TSHR: variants seen among roughly 807,000 people sequenced by gnomAD.
TSHR encodes the protein thyrotropin receptor.
Under a neutral mutation model 64.1 loss-of-function variants are expected in TSHR, and 51 were observed. The ratio of observed to expected loss-of-function variants is 0.80; its 90% CI spans 0.64 to 1.01. TSHR has a LOEUF of 1.01. TSHR is among the 50% of genes least tolerant of loss of function. The probability of loss-of-function intolerance (pLI) is 0.00; values close to 1 mark genes in which losing one functional copy is unlikely to be tolerated. For missense variants in TSHR, 877 were observed against 942.8 expected (o/e 0.93, Z 0.91); for synonymous variants, 361 against 361.9 (o/e 1.00, Z 0.03).
At chr14:81,136,607 C>T (rs954400028) in intron 8 of TSHR, among the ~76,000 whole-genome samples, 1 of 152,172 alleles carries the variant, frequency 6.6e-6, no homozygotes, top group Non-Finnish European at 1.5e-5. Context: ...GTTGGATATA[C>T]AAGTTGAGGT....
At chr14:80,973,086 G>T (rs1368925508) in intron 1 of TSHR, among the ~76,000 whole-genome samples, 3 of 151,948 alleles carry the variant, frequency 2.0e-5, no homozygotes, top group African/African-American at 7.3e-5. Flanking sequence ...TTATACCTTA[G>T]ATACAAAAAT....
chr14:81,122,818 C>G (rs1043367996), intron 8 of TSHR, among the ~76,000 whole-genome samples: 4 of 152,124 alleles, frequency 2.6e-5, no homozygotes, highest in African/African-American at 4.8e-5. Flanking sequence ...AAAAATAGGT[C>G]CATGCATTAT....
intron 7 of TSHR, chr14:81,104,796 T>G: frequency 1.0e-6 from 1 of 985,416 alleles, no homozygotes; most frequent in Non-Finnish European, 1.2e-6. Context: ...CTTAACTCCA[T>G]GTATGGAAAT....
intron 1 of TSHR, chr14:80,992,192 G>A (rs1888763743): frequency 6.6e-6 from 1 of 152,166 alleles, no homozygotes; most frequent in Non-Finnish European, 1.5e-5. Context: ...ACGAGGTCAA[G>A]AGATCAAAAC....
intron 1 of TSHR, among the ~76,000 whole-genome samples, chr14:80,966,771 A>G (rs1481311691): frequency 4.6e-5 from 7 of 152,170 alleles, no homozygotes; most frequent in Admixed American, 2.6e-4. Context: ...GGCTTACACA[A>G]TAACCATTTA....
At position 80,982,679 on chromosome 14, in the gene TSHR, G is replaced by A. The variant is rs1267179803; in HGVS notation, c.170+26829G>A. ...CAAAGCCCCTGCTGTAACTCCAGCA[G>A]TATTCGGATTAGATCCCAGGCATCT... On this transcript the variant is annotated intron_variant, in intron 1 of 9. Coordinates refer to ENST00000298171, the MANE Select transcript of TSHR (RefSeq NM_000369.5). 2.8e-6 allele frequency: 3 copies of A among 1,053,774 alleles called. No individual in the cohort carries two copies. The African/African-American group carries it at 4.9e-5, about 17-fold the overall frequency. The allele number at this position is 1,053,774 out of a possible 1,614,324, so 65.3% of individuals were successfully genotyped here.
At chr14:81,083,133 C>G (rs1251314873) in intron 3 of TSHR, among the ~76,000 whole-genome samples, 1 of 152,142 alleles carries the variant, frequency 6.6e-6, no homozygotes, top group Non-Finnish European at 1.5e-5. Context: ...TGCTGATTTC[C>G]CATATACTCT....
At chr14:81,057,988 T>C (rs187850557) in intron 1 of TSHR, among the ~76,000 whole-genome samples, 16 of 152,356 alleles carry the variant, frequency 1.1e-4, no homozygotes, top group South Asian at 2.1e-4. Flanking sequence ...GGAATGTTGA[T>C]TGGATTTACA....
At chr14:80,972,575 C>A (rs1887636386) in intron 1 of TSHR, among the ~76,000 whole-genome samples, 1 of 152,114 alleles carries the variant, frequency 6.6e-6, no homozygotes, top group East Asian at 1.9e-4. Context: ...ATTTTCTCTC[C>A]CTCTCCCTCC....
At chr14:80,987,451 C>T (rs879902567) in intron 1 of TSHR, among the ~76,000 whole-genome samples, 4 of 152,190 alleles carry the variant, frequency 2.6e-5, no homozygotes, top group Non-Finnish European at 5.9e-5. Flanking sequence ...ATGTTTTAAG[C>T]ATTAATTATG....
intron 8 of TSHR, among the ~76,000 whole-genome samples, chr14:81,133,414 G>T (rs1444083877): frequency 6.6e-6 from 1 of 152,152 alleles, no homozygotes; most frequent in East Asian, 1.9e-4. Context: ...TAAAATCTCT[G>T]GGAGGAATAG....
rs955810694 is a variant in TSHR at position 81,071,453 on chromosome 14, T to C, written c.317+3125T>C. On this transcript the variant is annotated intron_variant, in intron 3 of 9. Transcript: ENST00000298171. ...ATATTATAAAATATTTTCAAGTGTT[T>C]CTTTAATGTAAAATTTTTTTACCGT... Among the ~76,000 whole-genome samples the C allele has an allele frequency of 5.3e-5, 8 of 152,324 alleles. No homozygotes were observed. In the South Asian group the frequency reaches 8.3e-4, roughly 16 times the overall value.
intron 3 of TSHR, 135 bp from the exon 4 acceptor site, chr14:81,087,819 G>A: frequency 1.3e-6 from 1 of 745,624 alleles, no homozygotes; most frequent in Middle Eastern, 3.1e-4. Context: ...GGCAGCTACA[G>A]CCCCTGGGGT....
At chr14:80,983,406 A>T in intron 1 of TSHR, 1 of 1,158,402 alleles carries the variant, frequency 8.6e-7, no homozygotes, top group South Asian at 1.7e-5. Flanking sequence ...AATTTTAAAT[A>T]TATCTGAAAA....
At chr14:81,004,521 C>T (rs1889494359) in intron 1 of TSHR, among the ~76,000 whole-genome samples, 1 of 152,178 alleles carries the variant, frequency 6.6e-6, no homozygotes, top group African/African-American at 2.4e-5. Flanking sequence ...ATTCCCCTTG[C>T]CTGGAGTGTC....
chr14:81,075,278 G>A (rs938587211), intron 3 of TSHR, among the ~76,000 whole-genome samples: 1 of 152,150 alleles, frequency 6.6e-6, no homozygotes, highest in Admixed American at 6.5e-5. Context: ...TCACACAGCA[G>A]CACCAAAGTC....
intron 1 of TSHR, among the ~76,000 whole-genome samples, chr14:80,962,600 G>T (rs917395100): frequency 7.9e-5 from 12 of 152,188 alleles, no homozygotes; most frequent in Admixed American, 7.2e-4. Context: ...GTTCCAGGTA[G>T]ATATGAATTT....
At chr14:81,091,044 T>G in intron 4 of TSHR, 25 bp from the exon 5 acceptor site, 2 of 1,591,438 alleles carry the variant, frequency 1.3e-6, no homozygotes, top group Non-Finnish European at 1.7e-6. Flanking sequence ...CTATGCTTTT[T>G]TTTCTCTTTT....
At chr14:81,021,125 A>C (rs1883723628) in intron 1 of TSHR, among the ~76,000 whole-genome samples, 1 of 152,110 alleles carries the variant, frequency 6.6e-6, no homozygotes, top group Admixed American at 6.5e-5. Flanking sequence ...TGCACAATAC[A>C]TGTAATATGC....
Sources: allele counts gnomAD v4.1 joint callset (sites outside exome capture counted in the v4.1 genomes callset), GRCh38; gene constraint gnomAD v4.1.1; transcripts MANE v1.5; gene names NCBI Gene and HGNC (gene_info 2026-07-23, HGNC 2026-07-21).